Variants in ATP8A1 observed in about 807,000 individuals in gnomAD.
ATP8A1 encodes ATPase phospholipid transporting 8A1.
Under a neutral mutation model 177.7 loss-of-function variants are expected in ATP8A1, and 90 were observed. The observed-to-expected ratio is 0.51, with a 90% CI of 0.43 to 0.60. The LOEUF (loss-of-function observed/expected upper bound fraction) is 0.60, where lower values mean the gene tolerates loss of function less well. ATP8A1 is among the 20% of genes least tolerant of loss of function. The pLI is 0.00. For synonymous variants in ATP8A1, 493 were observed against 485.9 expected, an observed-to-expected ratio of 1.01 and a Z score of -0.19; for missense variants, 1,072 against 1,392.8, an observed-to-expected ratio of 0.77 and a Z score of 3.67.
chr4:42,651,367 A>T (rs1741077706), intron 1 of ATP8A1, among the ~76,000 whole-genome samples: 1 of 152,146 alleles, frequency 6.6e-6, no homozygotes, highest in Non-Finnish European at 1.5e-5. Flanking sequence ...AAAAGTTTGG[A>T]GGGCCCAGAA....
chr4:42,428,170 C>G (rs113908468), intron 33 of ATP8A1, among the ~76,000 whole-genome samples: 4 of 152,184 alleles, frequency 2.6e-5, no homozygotes, highest in African/African-American at 9.7e-5. Context: ...ATACAAACAC[C>G]CTCCCTGGAA....
chr4:42,607,607 C>G (rs1397331435), intron 5 of ATP8A1, among the ~76,000 whole-genome samples: 1 of 149,288 alleles, frequency 6.7e-6, no homozygotes, highest in Non-Finnish European at 1.5e-5. Context: ...CCAAAAGTAA[C>G]AGAGATGCTA....
chr4:42,602,703 A>C (rs1184332434), intron 5 of ATP8A1, among the ~76,000 whole-genome samples: 1 of 152,124 alleles, frequency 6.6e-6, no homozygotes, highest in Non-Finnish European at 1.5e-5. Context: ...CGCGAGGGGG[A>C]GGTTGCAGTG....
chr4:42,520,693 C>T (rs1177860760), intron 22 of ATP8A1, among the ~76,000 whole-genome samples: 2 of 152,080 alleles, frequency 1.3e-5, no homozygotes, highest in Non-Finnish European at 2.9e-5. Flanking sequence ...ACCATACATG[C>T]TATCCCATGT....
Position 42,411,162 on chromosome 4 carries a change from T to C in ATP8A1, c.*1754A>G, listed in dbSNP as rs963301126. On this transcript the variant is annotated 3_prime_UTR_variant, in exon 37 of 37. Coordinates refer to ENST00000381668, the MANE Select transcript of ATP8A1 (RefSeq NM_006095.2). ...GCTTGGGAAGTAAAGTATGTAAACG[T>C]GTGTTCCCTTAAGGTTAGAATTATG... 1 of 152,170 alleles carries C rather than the reference T, an allele frequency of 6.6e-6. No homozygotes were observed. The highest frequency in any genetic ancestry group is 2.4e-5 in the African/African-American group (1 of 41,446). The allele number at this position is 152,170 out of a possible 1,614,324, so 9.4% of individuals were successfully genotyped here.
intron 16 of ATP8A1, among the ~76,000 whole-genome samples, chr4:42,554,834 G>A (rs549599163): frequency 6.6e-6 from 1 of 152,246 alleles, no homozygotes; most frequent in East Asian, 1.9e-4. Flanking sequence ...AGTGGGATGG[G>A]GAAGGCAGAT....
At chr4:42,443,463 T>C (rs1252348927) in intron 33 of ATP8A1, 102 bp downstream of exon 33, 7 of 593,450 alleles carry the variant, frequency 1.2e-5, no homozygotes, top group Non-Finnish European at 2.1e-5. Flanking sequence ...CCTATTTTAA[T>C]ATAAATCAAC....
At chr4:42,432,218 C>T (rs376591871) in intron 33 of ATP8A1, among the ~76,000 whole-genome samples, 4 of 152,156 alleles carry the variant, frequency 2.6e-5, no homozygotes, top group East Asian at 1.9e-4. Context: ...TAGAGTACCC[C>T]GAAAACTGGA....
intron 25 of ATP8A1, among the ~76,000 whole-genome samples, chr4:42,467,586 G>A (rs1189907948): frequency 2.6e-5 from 4 of 152,136 alleles, no homozygotes; most frequent in Admixed American, 6.5e-5. Context: ...CCAGCTACTC[G>A]GGAAGCTGAG....
At position 42,409,914 on chromosome 4, in the gene ATP8A1, G is replaced by A. The variant is rs1434112495; in HGVS notation, c.*3002C>T. 1.3e-5 allele frequency: 2 copies of A among 152,066 alleles called. No individual in the cohort carries two copies. Among genetic ancestry groups the A allele is most frequent in the Admixed American group, 6.6e-5 (1 of 15,258 alleles). 9.4% of individuals were successfully genotyped at this position (152,066 alleles called of 1,614,324 possible). On this transcript the variant is annotated 3_prime_UTR_variant, in exon 37 of 37. Transcript: ENST00000381668. ...CATTTCCCCTCTGGAAATTAAAGAG[G>A]AATCACTGATTCCATTTAATGACCA...
chr4:42,496,025 G>C (rs531517321), intron 24 of ATP8A1, among the ~76,000 whole-genome samples: 1 of 152,336 alleles, frequency 6.6e-6, no homozygotes, highest in South Asian at 2.1e-4. Flanking sequence ...AATGGAGGCA[G>C]GTAGGAAGAG....
chr4:42,414,912 T>A, intron 35 of ATP8A1, 194 bp from the exon 36 acceptor site: 2 of 560,738 alleles, frequency 3.6e-6, no homozygotes, highest in Non-Finnish European at 3.2e-6. Context: ...TTGAGGCCAT[T>A]TTCTCCCTAA....
intron 20 of ATP8A1, among the ~76,000 whole-genome samples, chr4:42,528,516 A>G (rs1726940927): frequency 6.6e-6 from 1 of 151,954 alleles, no homozygotes; most frequent in South Asian, 2.1e-4. Context: ...GGTGACTCCA[A>G]TTGTAGCTGC....
intron 29 of ATP8A1, among the ~76,000 whole-genome samples, chr4:42,452,792 T>C (rs1188599205): frequency 1.3e-5 from 2 of 152,244 alleles, no homozygotes; most frequent in Non-Finnish European, 2.9e-5. Flanking sequence ...AGAATTCTTA[T>C]GGCCCCTCTG....
At chr4:42,648,850 T>C (rs12500777) in intron 1 of ATP8A1, among the ~76,000 whole-genome samples, 13,237 of 152,146 alleles carry the variant, frequency 0.087, 698 homozygotes, top group South Asian at 0.14. Context: ...AATAAAGCAA[T>C]GTAAACTTAA....
intron 35 of ATP8A1, among the ~76,000 whole-genome samples, chr4:42,420,438 T>A (rs1713770224): frequency 6.6e-6 from 1 of 152,256 alleles, no homozygotes; most frequent in Non-Finnish European, 1.5e-5. Context: ...GCATTTCCTA[T>A]GGAGAAGTTG....
At chr4:42,655,588 C>T (rs941092833) in intron 1 of ATP8A1, among the ~76,000 whole-genome samples, 2 of 152,118 alleles carry the variant, frequency 1.3e-5, no homozygotes, top group African/African-American at 2.4e-5. Context: ...CTATAATGCC[C>T]TATATAAGTA....
At chr4:42,530,904 C>T (rs1379136872) in intron 20 of ATP8A1, among the ~76,000 whole-genome samples, 1 of 152,218 alleles carries the variant, frequency 6.6e-6, no homozygotes, top group Non-Finnish European at 1.5e-5. Flanking sequence ...TTTTTGCTTC[C>T]TGTTCCTGCG....
At chr4:42,444,272 A>G (rs1162485713) in intron 32 of ATP8A1, among the ~76,000 whole-genome samples, 1 of 152,212 alleles carries the variant, frequency 6.6e-6, no homozygotes, top group Non-Finnish European at 1.5e-5. Context: ...ACCTCTAAGA[A>G]AAGACTTGTA....
Sources: allele counts gnomAD v4.1 joint callset (sites outside exome capture counted in the v4.1 genomes callset), GRCh38; gene constraint gnomAD v4.1.1; transcripts MANE v1.5; gene names NCBI Gene and HGNC (gene_info 2026-07-23, HGNC 2026-07-21).